Variants in DCTN1 observed in about 807,000 individuals in gnomAD.
DCTN1 encodes dynactin subunit 1, also known as 150 kDa dynein-associated polypeptide.
A neutral mutation model predicts 161.2 loss-of-function variants in DCTN1; 61 were observed. The observed-to-expected ratio is 0.38, with a 90% CI of 0.31 to 0.47. DCTN1 has a LOEUF of 0.47. Ranked by LOEUF, DCTN1 falls within the 20% of genes least tolerant of loss-of-function variation. DCTN1 has a pLI of 0.99. For missense variants in DCTN1, 1,404 were observed against 1,623.7 expected, an observed-to-expected ratio of 0.86 and a Z score of 2.33; for synonymous variants, 653 against 632.4, an observed-to-expected ratio of 1.03 and a Z score of -0.49.
intron 1 of DCTN1, among the ~76,000 whole-genome samples, chr2:74,389,231 G>C (rs1236053205): frequency 6.6e-6 from 1 of 152,104 alleles, no homozygotes; most frequent in Non-Finnish European, 1.5e-5. Flanking sequence ...AATCTCAAAA[G>C]GAAAATGATA....
chr2:74,382,534 AAGGTTGC>A (rs1675555031), upstream of DCTN1, among the ~76,000 whole-genome samples: 1 of 151,374 alleles, frequency 6.6e-6, no homozygotes, highest in Admixed American at 6.6e-5. Flanking sequence ...CCGGGAGGTG[AAGGTTGC>A]AGTGAGCCAA....
upstream of DCTN1, chr2:74,383,913 TATC>T (rs1190643962): frequency 6.6e-6 from 1 of 152,258 alleles, no homozygotes; most frequent in Non-Finnish European, 1.5e-5. Context: ...AAATGGTAGA[TATC>T]ATCTTCATTC....
In DCTN1 at chr2:74,369,995, C is replaced by T; in HGVS notation, c.1362G>A (p.Val454=). 1.9e-6 allele frequency: 3 copies of T among 1,614,202 alleles called. No homozygotes were observed. Among genetic ancestry groups the T allele is most frequent in the Non-Finnish European group, 2.5e-6 (3 of 1,180,036 alleles). The stretch of plus-strand genomic sequence containing the variant: ...CTCCCACAGTCTCCCTCAACTCGCG[C>T]ACTTTCTCTTCCAGATTCAGGTTCC... The part of the protein sequence containing the change: ...TDRNLNLEEK[V]RELRETVGDL... Residue 454 remains valine, a synonymous_variant, in exon 13 of 32, where the codon GTG becomes GTA. Coordinates refer to ENST00000628224, the MANE Select transcript of DCTN1 (RefSeq NM_004082.5). This position sits in a 1 kb window ranked among gnomAD's most constrained non-coding sequence, Gnocchi z 4.9.
At chr2:74,362,902 C>A in intron 29 of DCTN1, 92 bp downstream of exon 29, 1 of 1,459,688 alleles carries the variant, frequency 6.9e-7, no homozygotes, top group East Asian at 2.4e-5. Flanking sequence ...GGAAGAGCTT[C>A]TGTGGTGGGG....
intron 18 of DCTN1, 137 bp downstream of exon 18, chr2:74,367,559 A>G: frequency 3.6e-5 from 54 of 1,479,798 alleles, no homozygotes; most frequent in Non-Finnish European, 5.1e-5. Flanking sequence ...GCTGCATCAT[A>G]TGGAGAGTTC....
intron 4 of DCTN1, 79 bp downstream of exon 4, chr2:74,377,353 C>T (rs1675284126): frequency 1.5e-6 from 2 of 1,292,002 alleles, no homozygotes; most frequent in Admixed American, 3.4e-5. Flanking sequence ...CTACTTCTAC[C>T]TGCCTAGCAC....
rs764857590 is a variant in DCTN1, at chr2:74,362,115, A to C, written c.3636T>G (p.Ser1212=). The change falls in exon 31 of 32, where the codon TCT becomes TCG. Residue 1212 remains serine (S), a synonymous_variant. Transcript: ENST00000628224. ...LKDEVLKETV[S]QRPGATVPTD... ...TGGGTACTGTGGCTCCAGGGCGCTG[A>C]GATACTGTCTCCTTGAGGACCTCAT... The C allele has an allele frequency of 1.2e-6, 2 of 1,613,704 alleles. No individual in the cohort carries two copies.
chr2:74,377,871 C>T (rs1451209613), intron 2 of DCTN1, 129 bp downstream of exon 2: 1 of 1,483,914 alleles, frequency 6.7e-7, no homozygotes, highest in Non-Finnish European at 9.3e-7. Context: ...TCTTCCCTCC[C>T]CCACTACCTT....
intron 1 of DCTN1, 140 bp from the exon 2 acceptor site, chr2:74,378,385 G>C: frequency 9.5e-7 from 1 of 1,054,562 alleles, no homozygotes; most frequent in Non-Finnish European, 1.4e-6. Context: ...ACAGAATTGG[G>C]TGGACCCCCA....
chr2:74,384,029 A>G (rs550415473), upstream of DCTN1, among the ~76,000 whole-genome samples: 1 of 152,360 alleles, frequency 6.6e-6, no homozygotes, highest in Admixed American at 6.5e-5. Flanking sequence ...GTAAATGAAT[A>G]AATACACTCA....
rs1306233422 is a variant in DCTN1 at position 74,365,625 on chromosome 2, C to T, written c.2919G>A (p.Leu973=). 3 of 1,614,154 alleles carry T rather than the reference C, an allele frequency of 1.9e-6. No homozygotes were observed. The highest frequency in any genetic ancestry group is 2.5e-6 in the Non-Finnish European group (3 of 1,180,022). The change falls in exon 25 of 32, where the codon CTG becomes CTA. Residue 973 remains leucine (L), a synonymous_variant. Transcript: ENST00000628224. The part of the protein sequence containing the change: ...GEELSEANVR[L]SLLEKKLDSA... ...TGTCCAACTTCTTCTCCAGGAGGCT[C>T]AGCCGCACATTGGCCTCACTTAGCT...
At chr2:74,382,379 C>T (rs1675547815), upstream of DCTN1, among the ~76,000 whole-genome samples, 1 of 152,018 alleles carries the variant, frequency 6.6e-6, no homozygotes, top group Non-Finnish European at 1.5e-5. Context: ...GCCGGTGGCT[C>T]ACTTGAGACC....
In DCTN1 at chr2:74,363,093, G is replaced by A. The variant is rs1399568739; in HGVS notation, c.3430C>T (p.Pro1144Ser). 6.2e-7 allele frequency: 1 copy of A among 1,613,888 alleles called. No individual in the cohort carries two copies. The highest frequency in any genetic ancestry group is 1.3e-5 in the African/African-American group (1 of 75,046). Residue 1144 changes from proline (P) to serine (S), a missense_variant, in exon 29 of 32, where the codon CCA becomes TCA. By Grantham distance (74) the Pro-to-Ser change is moderately conservative. Coordinates refer to ENST00000628224, the MANE Select transcript of DCTN1 (RefSeq NM_004082.5). Reference sequence around the variant, plus strand: ...GTCTTACGATACAGCGCTCCAGCTGGTAACTCACTGCCAGGGCCCTCATGG... The same window carrying A: ...GTCTTACGATACAGCGCTCCAGCTGATAACTCACTGCCAGGGCCCTCATGG... Reference protein sequence around the residue: ...LSHEGPGSELPAGALYRKTSQ... With the variant: ...LSHEGPGSELSAGALYRKTSQ...
rs548472883 is a variant in DCTN1 at position 74,390,953 on chromosome 2, C to T, written c.-19+841G>A. Among the ~76,000 whole-genome samples the T allele has an allele frequency of 5.6e-4, 85 of 152,310 alleles. No individual in the cohort carries two copies. In the South Asian group the frequency reaches 0.017, roughly 30 times the overall value. On this transcript the variant is annotated intron_variant, in intron 1 of 27. Coordinates refer to the DCTN1 transcript ENST00000409240. ...AATTTTCAAAATTCTACATACCATACCCCCAGTTGGAGATTCATGGTAAAT... is the reference window on the plus strand; with the variant it reads ...AATTTTCAAAATTCTACATACCATATCCCCAGTTGGAGATTCATGGTAAAT...
chr2:74,387,697 A>G (rs936905152), intron 1 of DCTN1, among the ~76,000 whole-genome samples: 1 of 152,108 alleles, frequency 6.6e-6, no homozygotes, highest in African/African-American at 2.4e-5. Flanking sequence ...CCACTGACCT[A>G]ATCCTTAGCT....
At chr2:74,362,164 A>C (rs1214177125) in intron 30 of DCTN1, 23 bp from the exon 31 acceptor site, 5 of 1,610,202 alleles carry the variant, frequency 3.1e-6, no homozygotes, top group Non-Finnish European at 4.2e-6. Context: ...AGAGGAAGAC[A>C]AGGGTTCATT....
At position 74,370,895 on chromosome 2, in the gene DCTN1, C is replaced by A; in HGVS notation, c.844-70G>T. 1 of 1,613,344 alleles carries A rather than the reference C, an allele frequency of 6.2e-7. No homozygotes were observed. The highest frequency in any genetic ancestry group is 8.5e-7 in the Non-Finnish European group (1 of 1,179,790). On this transcript the variant is annotated intron_variant, in intron 9 of 31. Transcript: ENST00000628224. The surrounding 1 kb of genome is among the most constrained non-coding windows in gnomAD (Gnocchi z 4.4). ...CCCCAGGCCTTTCTCACAGTATGTT[C>A]CAGGCTCCAGCTCCAGTCTAGTTTC...
At chr2:74,376,184 A>AAGG (rs60147983) in intron 5 of DCTN1, among the ~76,000 whole-genome samples, 12,980 of 152,100 alleles carry the variant, frequency 0.085, 1,794 homozygotes, top group African/African-American at 0.29. Flanking sequence ...CCACCAGAGG[A>AAGG]AGGAGACAGG....
intron 6 of DCTN1, 136 bp downstream of exon 6, chr2:74,374,187 T>C (rs1675073983): frequency 1.1e-6 from 1 of 888,192 alleles, no homozygotes; most frequent in African/African-American, 1.6e-5. Context: ...CACCTCTCCC[T>C]AACCCACCTT....
Sources: gnomAD v4.1 joint callset for allele counts (sites outside exome capture counted in the v4.1 genomes callset) on GRCh38, gnomAD v4.1.1 for gene constraint, Gnocchi (gnomAD v3.1) non-coding constraint, MANE v1.5 for transcripts, NCBI Gene and HGNC (gene_info 2026-07-23, HGNC 2026-07-21) for gene names.